SLC60A1: variants seen among roughly 807,000 people sequenced by gnomAD.
SLC60A1 encodes major facilitator superfamily domain containing 4.
the SLC60A1 span, among the ~76,000 whole-genome samples, chr1:205,577,333 G>A: frequency 8.3e-4 from 126 of 152,260 alleles, no homozygotes; most frequent in African/African-American, 2.7e-3. The surrounding 1 kb of genome is among the most constrained non-coding windows in gnomAD (Gnocchi z 5.2). Context: ...CAAGACAAGC[G>A]TTCCCCAAGC....
At chr1:205,588,863 G>A in the SLC60A1 span, among the ~76,000 whole-genome samples, 1 of 152,118 alleles carries the variant, frequency 6.6e-6, no homozygotes, top group Admixed American at 6.5e-5. Flanking sequence ...GGGAGCTTAC[G>A]GCCGGCCAGA....
At chr1:205,592,383 T>TTTA in the SLC60A1 span, 6 of 1,197,952 alleles carry the variant, frequency 5.0e-6, no homozygotes, top group African/African-American at 3.2e-5. Context: ...TTTTTTTTTT[T>TTTA]AATTTTATTA....
chr1:205,600,270 G>T, the SLC60A1 span: 3 of 817,230 alleles, frequency 3.7e-6, no homozygotes, highest in Non-Finnish European at 5.7e-6. Flanking sequence ...TAGGGGGTCT[G>T]ACTTTTCACT....
the SLC60A1 span, among the ~76,000 whole-genome samples, chr1:205,587,076 C>T: frequency 2.0e-5 from 3 of 152,148 alleles, no homozygotes; most frequent in Admixed American, 2.0e-4. Context: ...GAGGTCTGGG[C>T]CTGAGCAGTG....
At chr1:205,579,829 C>T in the SLC60A1 span, 42 of 1,614,186 alleles carry the variant, frequency 2.6e-5, no homozygotes, top group East Asian at 4.5e-5. Flanking sequence ...CCTTCTGCCG[C>T]GACGTGAAGG....
At chr1:205,599,966 G>A in the SLC60A1 span, 3 of 154,852 alleles carry the variant, frequency 1.9e-5, no homozygotes, top group Non-Finnish European at 2.9e-5. Flanking sequence ...TAAAGGAACA[G>A]GCATTCACCA....
chr1:205,584,156 C>A, the SLC60A1 span: 1 of 1,598,872 alleles, frequency 6.3e-7, no homozygotes, highest in Non-Finnish European at 8.5e-7. Context: ...ATCCTCACAG[C>A]CTCATGTTGA....
At chr1:205,576,001 A>C in the SLC60A1 span, among the ~76,000 whole-genome samples, 715 of 152,176 alleles carry the variant, frequency 4.7e-3, 9 homozygotes, top group African/African-American at 0.016. Flanking sequence ...CTTTTCCCCT[A>C]TCTGGGCCTC....
the SLC60A1 span, among the ~76,000 whole-genome samples, chr1:205,574,151 TA>T: frequency 1.3e-5 from 2 of 151,448 alleles, no homozygotes; most frequent in Non-Finnish European, 2.9e-5. Flanking sequence ...TTTTTTAAGT[TA>T]AAAAAACCTC....
chr1:205,600,682 C>A, the SLC60A1 span: 1 of 543,026 alleles, frequency 1.8e-6, no homozygotes. Context: ...TTCCCTGGTT[C>A]AGACTGTTGG....
chr1:205,599,156 G>T, the SLC60A1 span: 7 of 1,614,082 alleles, frequency 4.3e-6, no homozygotes, highest in Non-Finnish European at 5.9e-6. Flanking sequence ...GGCAGCTATA[G>T]TTTCCTGGTC....
the SLC60A1 span, among the ~76,000 whole-genome samples, chr1:205,589,719 G>A: frequency 5.3e-5 from 8 of 152,190 alleles, no homozygotes; most frequent in Non-Finnish European, 1.2e-4. Context: ...TACCAAAGTG[G>A]TAGAACTAGA....
At chr1:205,570,122 A>G in the SLC60A1 span, among the ~76,000 whole-genome samples, 1 of 151,540 alleles carries the variant, frequency 6.6e-6, no homozygotes. Context: ...CCCTGGCACC[A>G]CCCCCAGAAA....
the SLC60A1 span, among the ~76,000 whole-genome samples, chr1:205,577,099 G>A: frequency 6.6e-6 from 1 of 152,106 alleles, no homozygotes; most frequent in Non-Finnish European, 1.5e-5. This position sits in a 1 kb window ranked among gnomAD's most constrained non-coding sequence, Gnocchi z 5.2. Context: ...ACAGGACAGA[G>A]ATGAGACCTG....
At chr1:205,579,168 T>C in the SLC60A1 span, among the ~76,000 whole-genome samples, 6 of 152,246 alleles carry the variant, frequency 3.9e-5, no homozygotes, top group Non-Finnish European at 8.8e-5. Context: ...CTCTGCCTGC[T>C]ACAGGGGTCA....
the SLC60A1 span, among the ~76,000 whole-genome samples, chr1:205,599,587 A>G: frequency 6.6e-6 from 1 of 152,208 alleles, no homozygotes; most frequent in Admixed American, 6.5e-5. Flanking sequence ...TGTTCAGGGA[A>G]CTGAAAGGCA....
the SLC60A1 span, among the ~76,000 whole-genome samples, chr1:205,574,411 T>G: frequency 6.6e-6 from 1 of 152,078 alleles, no homozygotes; most frequent in Admixed American, 6.5e-5. Context: ...ATCACTGCAC[T>G]CCCACCTGAG....
the SLC60A1 span, among the ~76,000 whole-genome samples, chr1:205,582,934 C>A: frequency 6.6e-6 from 1 of 152,194 alleles, no homozygotes; most frequent in African/African-American, 2.4e-5. Context: ...CAGGCAGGGG[C>A]TGGCAGTCTG....
the SLC60A1 span, chr1:205,584,126 A>C: frequency 6.2e-7 from 1 of 1,610,520 alleles, no homozygotes; most frequent in Non-Finnish European, 8.5e-7. Context: ...ACACCTAGGT[A>C]GGGGCTCTAA....
Sources: gnomAD v4.1 joint callset for allele counts (sites outside exome capture counted in the v4.1 genomes callset) on GRCh38, gnomAD v4.1.1 for gene constraint, Gnocchi (gnomAD v3.1) non-coding constraint, MANE v1.5 for transcripts, NCBI Gene and HGNC (gene_info 2026-07-23, HGNC 2026-07-21) for gene names.